Variants in VWA8 observed in about 807,000 individuals in gnomAD.
VWA8 encodes von Willebrand factor A domain-containing protein 8.
A neutral mutation model predicts 241.5 loss-of-function variants in VWA8; 221 were observed. That is an observed-to-expected ratio of 0.91 (90% CI 0.82 to 1.02). The LOEUF (loss-of-function observed/expected upper bound fraction) is 1.02, where lower values mean the gene tolerates loss of function less well. Ranked by LOEUF, VWA8 falls within the 50% of genes least tolerant of loss-of-function variation. The probability of loss-of-function intolerance (pLI) is 0.00; values close to 1 mark genes in which losing one functional copy is unlikely to be tolerated. For missense variants in VWA8, 2,322 were observed against 2,328.7 expected, an observed-to-expected ratio of 1.00 and a Z score of 0.06; for synonymous variants, 852 against 827.1, an observed-to-expected ratio of 1.03 and a Z score of -0.52.
chr13:41,817,016 T>C (rs7996929), intron 15 of VWA8, among the ~76,000 whole-genome samples: 3,174 of 152,286 alleles, frequency 0.021, 113 homozygotes, highest in African/African-American at 0.07. Context: ...CTTCTCCATA[T>C]ACAATTCTAT....
Position 41,901,899 on chromosome 13 carries a change from T to A in VWA8, c.483+5687A>T, listed in dbSNP as rs200322318. Among the ~76,000 whole-genome samples, 481 of 86,768 alleles carry A rather than the reference T, an allele frequency of 5.5e-3. 2 individuals carry two copies. Among genetic ancestry groups the A allele is most frequent in the Non-Finnish European group, 8.3e-3 (327 of 39,408 alleles). The allele number at this position is 86,768 out of a possible 152,430, so 56.9% of individuals were successfully genotyped here. ...AAAAAAAAAAAAAAAAATATATATA[T>A]ATATATATATATATACACACACATA... On this transcript the variant is annotated intron_variant, in intron 4 of 44. Coordinates refer to ENST00000379310, the MANE Select transcript of VWA8 (RefSeq NM_015058.2).
chr13:41,769,918 CACA>C (rs1161463088), intron 20 of VWA8, among the ~76,000 whole-genome samples: 1 of 152,062 alleles, frequency 6.6e-6, no homozygotes, highest in East Asian at 1.9e-4. Flanking sequence ...AAACACGGAT[CACA>C]ACAATTTTAA....
At chr13:41,593,513 A>ACAGT (rs1189046530) in intron 40 of VWA8, among the ~76,000 whole-genome samples, 6 of 152,198 alleles carry the variant, frequency 3.9e-5, no homozygotes, top group African/African-American at 1.4e-4. Context: ...AATCAGACAG[A>ACAGT]CAACCTTGAC....
rs937353683 is a variant in VWA8, at chr13:41,833,624, G to A, written c.1426-93C>T. The A allele has an allele frequency of 1.4e-5, 18 of 1,322,324 alleles. No homozygotes were observed. The African/African-American group carries it at 1.9e-4, about 14-fold the overall frequency. The allele number at this position is 1,322,324 out of a possible 1,614,324, so 81.9% of individuals were successfully genotyped here. Reference sequence around the variant, plus strand: ...TACATGGCTTTATAGAGTCACCTCCGTCTGAACTTAACATTCCATATAGTA... The same window carrying A: ...TACATGGCTTTATAGAGTCACCTCCATCTGAACTTAACATTCCATATAGTA... On this transcript the variant is annotated intron_variant, in intron 12 of 44. Coordinates refer to ENST00000379310, the MANE Select transcript of VWA8 (RefSeq NM_015058.2).
intron 20 of VWA8, among the ~76,000 whole-genome samples, chr13:41,766,875 C>G (rs966901135): frequency 1.3e-5 from 2 of 152,126 alleles, no homozygotes; most frequent in Admixed American, 1.3e-4. Context: ...GTCATGGAGT[C>G]AAAGATCAGT....
At chr13:41,761,719 C>T (rs1373515973) in intron 20 of VWA8, among the ~76,000 whole-genome samples, 1 of 152,002 alleles carries the variant, frequency 6.6e-6, no homozygotes, top group Non-Finnish European at 1.5e-5. Context: ...ACCTTGGAAA[C>T]CTAAACTTAA....
chr13:41,648,272 G>A (rs764985691), intron 37 of VWA8, among the ~76,000 whole-genome samples: 16 of 152,138 alleles, frequency 1.1e-4, no homozygotes, highest in Non-Finnish European at 1.9e-4. Context: ...ATTTTTGGAA[G>A]CTTGAGATTA....
chr13:41,742,869 T>G (rs1183822165), intron 21 of VWA8, among the ~76,000 whole-genome samples: 1 of 152,210 alleles, frequency 6.6e-6, no homozygotes, highest in Non-Finnish European at 1.5e-5. Flanking sequence ...AAGGCTCTTT[T>G]GCACCCCACT....
At chr13:41,869,540 G>A (rs1172193650) in intron 9 of VWA8, among the ~76,000 whole-genome samples, 8 of 143,354 alleles carry the variant, frequency 5.6e-5, no homozygotes, top group Admixed American at 7.6e-5. Flanking sequence ...GCTGAGGCAC[G>A]AGAATCCCTT....
chr13:41,673,133 C>T lies in VWA8; in HGVS notation c.4410-1986G>A, dbSNP rs2045036942. On this transcript the variant is annotated intron_variant, in intron 36 of 44. Transcript: ENST00000379310. ...ATAATAACAAAGTTTTAAATGAACA[C>T]ATAGAATTATAGTAGAGTGAAGCCT... is the stretch of plus-strand genomic sequence containing the variant. Among the ~76,000 whole-genome samples, 4 of 152,140 alleles carry T rather than the reference C, an allele frequency of 2.6e-5. No individual in the cohort carries two copies. The South Asian group carries it at 8.3e-4, about 31-fold the overall frequency.
At chr13:41,777,264 T>C (rs1868646660) in intron 20 of VWA8, among the ~76,000 whole-genome samples, 2 of 151,736 alleles carry the variant, frequency 1.3e-5, no homozygotes, top group Admixed American at 6.6e-5. Flanking sequence ...AAAAGGGAGA[T>C]AAAAGGGAGT....
rs753154954 is a variant in VWA8 at position 41,692,936 on chromosome 13, C to T, written c.3601G>A (p.Ala1201Thr). 2 of 1,611,022 alleles carry T rather than the reference C, an allele frequency of 1.2e-6. No individual in the cohort carries two copies. Among genetic ancestry groups the T allele is most frequent in the Non-Finnish European group, 1.7e-6 (2 of 1,178,164 alleles). ...VILLLDTTGR[A>T]LHRLILPSEK... ...GAAGGGAGGATGAGACGATGAAGGG[C>T]CCGGCCAGTAGTATCTAACAACAGG... Residue 1201 changes from alanine to threonine, a missense_variant, in exon 30 of 45, where the codon GCC becomes ACC. Transcript: ENST00000379310.
At chr13:41,864,232 C>G (rs565816743) in intron 12 of VWA8, among the ~76,000 whole-genome samples, 110 of 151,626 alleles carry the variant, frequency 7.3e-4, no homozygotes, top group African/African-American at 2.6e-3. Flanking sequence ...GAAAATGGTG[C>G]AGCTGCTATG....
rs2045065535 is a variant in VWA8 at position 41,677,094 on chromosome 13, TC to T, written c.4328-1799del. Among the ~76,000 whole-genome samples, 3 of 152,200 alleles carry T rather than the reference TC, an allele frequency of 2.0e-5. No individual in the cohort carries two copies. In the South Asian group the frequency reaches 6.2e-4, roughly 32 times the overall value. The stretch of plus-strand genomic sequence containing the variant: ...TTTAGACTTTAGGAATATTTATCTT[TC>T]TTTTGGGATTTCAACATTTGGGGTT... On this transcript the variant is annotated intron_variant, in intron 35 of 44. Transcript: ENST00000379310.
At chr13:41,941,236 G>C (rs1027006016) in intron 2 of VWA8, among the ~76,000 whole-genome samples, 7 of 152,108 alleles carry the variant, frequency 4.6e-5, no homozygotes, top group Non-Finnish European at 1.0e-4. Flanking sequence ...AGCTAATATA[G>C]ATAATACAGT....
chr13:41,619,392 A>T lies in VWA8; in HGVS notation c.4612-4308T>A, dbSNP rs146359156. On this transcript the variant is annotated intron_variant, in intron 37 of 44. Transcript: ENST00000379310. ...GGGCTGAGACAATGGGGTTTTCTAA[A>T]TGTACAATCATGTCATCTGCAAACA... Among the ~76,000 whole-genome samples the T allele has an allele frequency of 5.8e-3, 884 of 152,324 alleles. 10 individuals carry two copies. Among genetic ancestry groups the T allele is most frequent in the African/African-American group, 0.02 (842 of 41,564 alleles).
chr13:41,887,491 C>G lies in VWA8; in HGVS notation c.652-130G>C, dbSNP rs1047408428. 28 of 1,006,080 alleles carry G rather than the reference C, an allele frequency of 2.8e-5. No homozygotes were observed. The African/African-American group carries it at 4.2e-4, about 15-fold the overall frequency. 62.3% of individuals were successfully genotyped at this position (1,006,080 alleles called of 1,614,324 possible). ...ATTGGAGAACACTCTCAAATCCATACTGTCAAGGAAGGCAGCAAAGTGAAA... is the reference window on the plus strand; with the variant it reads ...ATTGGAGAACACTCTCAAATCCATAGTGTCAAGGAAGGCAGCAAAGTGAAA... On this transcript the variant is annotated intron_variant, in intron 5 of 44. Transcript: ENST00000379310.
intron 9 of VWA8, among the ~76,000 whole-genome samples, chr13:41,878,040 CTAAT>C (rs1159477951): frequency 6.6e-6 from 1 of 151,862 alleles, no homozygotes; most frequent in African/African-American, 2.4e-5. Flanking sequence ...TAAAAATAGT[CTAAT>C]TAAGTAATTA....
At chr13:41,894,128 T>C (rs898944118) in intron 4 of VWA8, among the ~76,000 whole-genome samples, 4 of 152,148 alleles carry the variant, frequency 2.6e-5, no homozygotes, top group African/African-American at 9.7e-5. Context: ...GAGATAAAAC[T>C]AGAAATATAC....
Sources: gnomAD v4.1 joint callset for allele counts (sites outside exome capture counted in the v4.1 genomes callset) on GRCh38, gnomAD v4.1.1 for gene constraint, MANE v1.5 for transcripts, NCBI Gene and HGNC (gene_info 2026-07-23, HGNC 2026-07-21) for gene names.